Variants in ENTHD1 observed in about 807,000 individuals in gnomAD.
The protein encoded by ENTHD1 is ENTH domain-containing protein 1.
Under a neutral mutation model 39.1 loss-of-function variants are expected in ENTHD1, and 23 were observed. The ratio of observed to expected loss-of-function variants is 0.59; its 90% CI spans 0.42 to 0.83. The LOEUF is 0.83. Among genes scored for constraint, ENTHD1 ranks in the 40% least tolerant of loss-of-function variants. The probability of loss-of-function intolerance (pLI) is 0.00; values close to 1 mark genes in which losing one functional copy is unlikely to be tolerated. For missense variants in ENTHD1, 624 were observed against 705.4 expected, an observed-to-expected ratio of 0.88 and a Z score of 1.31; for synonymous variants, 230 against 258.2, an observed-to-expected ratio of 0.89 and a Z score of 1.05.
intron 3 of ENTHD1, among the ~76,000 whole-genome samples, chr22:39,859,412 C>G (rs1007497607): frequency 6.6e-6 from 1 of 152,204 alleles, no homozygotes; most frequent in African/African-American, 2.4e-5. Context: ...CAGCCTGTTT[C>G]GGCTTTCAAC....
chr22:39,846,562 A>G (rs1292942195), intron 3 of ENTHD1, among the ~76,000 whole-genome samples: 1 of 152,130 alleles, frequency 6.6e-6, no homozygotes, highest in African/African-American at 2.4e-5. Context: ...GTCCTTGCCC[A>G]TGCCTATGTC....
chr22:39,784,743 ATGGAGAGTAGAG>A (rs1273380042), intron 5 of ENTHD1, among the ~76,000 whole-genome samples: 5 of 152,234 alleles, frequency 3.3e-5, no homozygotes, highest in African/African-American at 9.6e-5. Flanking sequence ...TCTCATGAAG[ATGGAGAGTAGAG>A]TGGAAGTTAC....
intron 5 of ENTHD1, among the ~76,000 whole-genome samples, chr22:39,771,988 C>T (rs2146570141): frequency 6.6e-6 from 1 of 152,226 alleles, no homozygotes; most frequent in Admixed American, 6.5e-5. Flanking sequence ...ATATATGTAA[C>T]TGTTTAGAAA....
chr22:39,821,712 G>A (rs1408448486), intron 4 of ENTHD1, among the ~76,000 whole-genome samples: 1 of 152,202 alleles, frequency 6.6e-6, no homozygotes. Context: ...CATCAACTGA[G>A]TGGCTTATAA....
chr22:39,838,021 TTGAATG>T, intron 3 of ENTHD1, among the ~76,000 whole-genome samples: 2 of 152,330 alleles, frequency 1.3e-5, no homozygotes, highest in Admixed American at 1.3e-4. Flanking sequence ...TTTCCAAAAA[TTGAATG>T]AACCAAATCT....
chr22:39,875,362 C>T, intron 2 of ENTHD1: 2 of 1,370,366 alleles, frequency 1.5e-6, no homozygotes, highest in Non-Finnish European at 1.9e-6. Flanking sequence ...GGGTGGCGGG[C>T]GCGCTGCGGC....
chr22:39,766,432 A>G (rs1026797313), intron 5 of ENTHD1, among the ~76,000 whole-genome samples: 29 of 152,212 alleles, frequency 1.9e-4, no homozygotes, highest in African/African-American at 7.0e-4. Context: ...CCGAGTTTCT[A>G]GATGCAAATT....
chr22:39,835,442 C>A (rs1456835384), intron 4 of ENTHD1, among the ~76,000 whole-genome samples: 1 of 152,006 alleles, frequency 6.6e-6, no homozygotes, highest in Non-Finnish European at 1.5e-5. Flanking sequence ...AGGACCTCAA[C>A]ACTTAGAAGA....
chr22:39,746,222 TA>T (rs1389882867), intron 6 of ENTHD1, among the ~76,000 whole-genome samples: 1 of 152,180 alleles, frequency 6.6e-6, no homozygotes, highest in African/African-American at 2.4e-5. Flanking sequence ...CTTTCTGCTT[TA>T]CTTCAATGTA....
At chr22:39,808,132 G>A (rs1041600509) in intron 5 of ENTHD1, among the ~76,000 whole-genome samples, 3 of 152,082 alleles carry the variant, frequency 2.0e-5, no homozygotes, top group African/African-American at 7.2e-5. Context: ...GATTAAATGA[G>A]CTCGACCATT....
intron 5 of ENTHD1, among the ~76,000 whole-genome samples, chr22:39,820,254 G>C (rs903770719): frequency 2.0e-5 from 3 of 152,100 alleles, no homozygotes; most frequent in African/African-American, 7.2e-5. Context: ...AAGAAGAGTG[G>C]GAAGATATAA....
At chr22:39,759,606 T>A (rs1264871233) in intron 6 of ENTHD1, among the ~76,000 whole-genome samples, 1 of 152,082 alleles carries the variant, frequency 6.6e-6, no homozygotes, top group Non-Finnish European at 1.5e-5. Context: ...TACTTCCTTT[T>A]ACTGACTTTA....
chr22:39,766,564 G>A (rs2065279211), intron 5 of ENTHD1, among the ~76,000 whole-genome samples: 1 of 152,210 alleles, frequency 6.6e-6, no homozygotes, highest in Non-Finnish European at 1.5e-5. Context: ...TGATGAGGTA[G>A]AAGAGGGCCA....
intron 3 of ENTHD1, among the ~76,000 whole-genome samples, chr22:39,861,435 G>C (rs1446538222): frequency 6.6e-6 from 1 of 152,096 alleles, no homozygotes; most frequent in Non-Finnish European, 1.5e-5. Flanking sequence ...AGCTACTCAG[G>C]AGGCTGAGTC....
chr22:39,799,657 C>T (rs968668462), intron 5 of ENTHD1, among the ~76,000 whole-genome samples: 19 of 152,202 alleles, frequency 1.2e-4, no homozygotes, highest in African/African-American at 4.1e-4. Flanking sequence ...CCAGCCCATT[C>T]GTCCAGTGCG....
chr22:39,790,564 C>G (rs776918398), intron 5 of ENTHD1, among the ~76,000 whole-genome samples: 61 of 152,216 alleles, frequency 4.0e-4, no homozygotes, highest in Non-Finnish European at 6.9e-4. Context: ...CATGACAGTT[C>G]TCTCCTACAT....
chr22:39,794,347 G>GT (rs917265567), intron 5 of ENTHD1, among the ~76,000 whole-genome samples: 3 of 152,092 alleles, frequency 2.0e-5, no homozygotes, highest in Non-Finnish European at 2.9e-5. Context: ...AGATCTAAGA[G>GT]TTTTTTTGGT....
chr22:39,829,137 GA>G (rs1303861812), intron 4 of ENTHD1, among the ~76,000 whole-genome samples: 1 of 152,166 alleles, frequency 6.6e-6, no homozygotes, highest in Admixed American at 6.5e-5. Flanking sequence ...GACTACTGAA[GA>G]GGACATATTG....
At chr22:39,810,942 G>A (rs1170478527) in intron 5 of ENTHD1, among the ~76,000 whole-genome samples, 2 of 152,192 alleles carry the variant, frequency 1.3e-5, no homozygotes, top group Non-Finnish European at 2.9e-5. Flanking sequence ...AGAGGCAAGA[G>A]GGACCTTAAA....
Sources: allele counts gnomAD v4.1 joint callset (sites outside exome capture counted in the v4.1 genomes callset), GRCh38; gene constraint gnomAD v4.1.1; transcripts MANE v1.5; gene names NCBI Gene and HGNC (gene_info 2026-07-23, HGNC 2026-07-21).